The following KDM2B variants were observed in gnomAD, a reference collection of about 807,000 sequenced individuals.
KDM2B encodes the protein lysine-specific demethylase 2B.
KDM2B carries 26 observed loss-of-function variants against 150.0 expected under a neutral mutation model. That is an observed-to-expected ratio of 0.17 (90% confidence interval 0.13 to 0.24). The LOEUF (loss-of-function observed/expected upper bound fraction) is 0.24. KDM2B is among the 10% of genes least tolerant of loss of function. The pLI is 1.00. For missense variants in KDM2B, 1,265 were observed against 1,816.9 expected (o/e 0.70, Z 5.52); for synonymous variants, 734 against 729.5 (o/e 1.01, Z -0.10).
intron 4 of KDM2B, among the ~76,000 whole-genome samples, chr12:121,571,894 G>A (rs1186112759): frequency 2.6e-5 from 4 of 151,924 alleles, no homozygotes; most frequent in East Asian, 1.9e-4. Flanking sequence ...CTTGTGATTC[G>A]CCCGCGTCGG....
rs921210077 is a variant in KDM2B, at chr12:121,521,246, C to T, written c.932-146G>A. The T allele has an allele frequency of 4.5e-5, 27 of 604,734 alleles. No homozygotes were observed. Among genetic ancestry groups the T allele is most frequent in the Non-Finnish European group, 7.2e-5 (24 of 334,404 alleles). The allele number at this position is 604,734 out of a possible 1,614,324, so 37.5% of individuals were successfully genotyped here. A position where few individuals can be genotyped will look rare whatever the true frequency, so the allele number is the denominator to read the frequency against. On this transcript the variant is annotated intron_variant, in intron 8 of 22. Transcript: ENST00000377071. This position sits in a 1 kb window ranked among gnomAD's most constrained non-coding sequence, Gnocchi z 4.9. ...CAGGGCCTGGGGCAGCGGCGCCCAG[C>T]AATGCCTGCTGCACAACGCCCAGGC... is the stretch of plus-strand genomic sequence containing the variant.
At chr12:121,530,942 A>T (rs28728162) in intron 8 of KDM2B, among the ~76,000 whole-genome samples, 1 of 151,758 alleles carries the variant, frequency 6.6e-6, no homozygotes, top group Non-Finnish European at 1.5e-5. Context: ...CCACCCCACC[A>T]CCATTGTAGA....
intron 8 of KDM2B, among the ~76,000 whole-genome samples, chr12:121,531,605 C>T (rs1426955959): frequency 6.6e-6 from 1 of 152,196 alleles, no homozygotes; most frequent in Non-Finnish European, 1.5e-5. Context: ...ATTTCAACAC[C>T]ACTCGGCTAT....
chr12:121,550,589 G>A (rs915167823), intron 4 of KDM2B, among the ~76,000 whole-genome samples: 23 of 152,234 alleles, frequency 1.5e-4, no homozygotes, highest in Admixed American at 1.0e-3. Context: ...CACTTCCTGG[G>A]TTCAAGCAAT....
At chr12:121,474,114 G>T (rs376378449) in intron 12 of KDM2B, among the ~76,000 whole-genome samples, 1 of 152,180 alleles carries the variant, frequency 6.6e-6, no homozygotes, top group African/African-American at 2.4e-5. Flanking sequence ...TGGGTACGGG[G>T]TTTCCTGTTG....
chr12:121,534,198 A>C (rs1311553767), intron 7 of KDM2B, among the ~76,000 whole-genome samples: 1 of 151,964 alleles, frequency 6.6e-6, no homozygotes, highest in Non-Finnish European at 1.5e-5. Context: ...AAATACAAAA[A>C]ATTAGCAGGG....
At chr12:121,544,867 C>A (rs1189827104) in intron 6 of KDM2B, among the ~76,000 whole-genome samples, 2 of 150,602 alleles carry the variant, frequency 1.3e-5, no homozygotes, top group African/African-American at 4.9e-5. Flanking sequence ...GAGCCGAGAT[C>A]GTGCCATTGC....
the KDM2B span, chr12:121,420,540 T>TA: frequency 6.2e-7 from 1 of 1,606,788 alleles, no homozygotes; most frequent in Non-Finnish European, 8.5e-7. Context: ...GGTCTGGACT[T>TA]ATGGGACCAG....
At chr12:121,567,981 A>G (rs964691364) in intron 4 of KDM2B, among the ~76,000 whole-genome samples, 2 of 151,974 alleles carry the variant, frequency 1.3e-5, no homozygotes, top group African/African-American at 4.8e-5. Flanking sequence ...CGCCCACCTC[A>G]GCCTCCCAAA....
At chr12:121,505,303 A>G (rs1884971143) in intron 11 of KDM2B, among the ~76,000 whole-genome samples, 2 of 149,316 alleles carry the variant, frequency 1.3e-5, no homozygotes, top group South Asian at 4.2e-4. Context: ...AAAAAAAAAA[A>G]TTGTGACTGT....
At chr12:121,509,438 C>T (rs1390239755) in intron 11 of KDM2B, 129 bp downstream of exon 11, 106 of 1,470,120 alleles carry the variant, frequency 7.2e-5, no homozygotes, top group Non-Finnish European at 8.3e-5. Flanking sequence ...GAAGCCCCCT[C>T]GCAGCGCCCA....
chr12:121,417,191 GCT>G, the KDM2B span, among the ~76,000 whole-genome samples: 1 of 152,206 alleles, frequency 6.6e-6, no homozygotes, highest in Non-Finnish European at 1.5e-5. This position sits in a 1 kb window ranked among gnomAD's most constrained non-coding sequence, Gnocchi z 5.0. Flanking sequence ...TCTGCTTTCT[GCT>G]CTGTGTGGTT....
chr12:121,545,994 A>G (rs1466495069), intron 6 of KDM2B, among the ~76,000 whole-genome samples: 1 of 151,896 alleles, frequency 6.6e-6, no homozygotes, highest in Non-Finnish European at 1.5e-5. Flanking sequence ...AGCTCAGAAC[A>G]CCTTCCCCGA....
chr12:121,481,758 G>GTTTT (rs111363850), intron 12 of KDM2B, among the ~76,000 whole-genome samples: 3,057 of 123,086 alleles, frequency 0.025, 94 homozygotes, highest in African/African-American at 0.099. Context: ...TTATCTTAGG[G>GTTTT]TTTTTTTTGT....
chr12:121,463,403 T>A (rs1438152507), intron 12 of KDM2B, among the ~76,000 whole-genome samples: 2 of 151,958 alleles, frequency 1.3e-5, no homozygotes, highest in Non-Finnish European at 2.9e-5. Context: ...CAAACCACCA[T>A]GCCACATGTA....
chr12:121,564,745 A>T lies in KDM2B; in HGVS notation c.397+9802T>A, dbSNP rs79800593. On this transcript the variant is annotated intron_variant, in intron 4 of 22. Transcript: ENST00000377071. ...TCCAATCAAAATTACAGCCACCTTT[A>T]AAGAAATATGGACAAGGTGATTTTA... Among the ~76,000 whole-genome samples, 307 of 152,316 alleles carry T rather than the reference A, an allele frequency of 2.0e-3. 2 individuals are homozygous for T. The highest frequency in any genetic ancestry group is 6.6e-3 in the African/African-American group (276 of 41,572).
At chr12:121,419,977 T>C in the KDM2B span, 5 of 337,276 alleles carry the variant, frequency 1.5e-5, no homozygotes, top group Non-Finnish European at 2.9e-5. Context: ...TTATGGGACC[T>C]TCCTGAGAGA....
At chr12:121,481,095 T>A (rs1464192004) in intron 12 of KDM2B, among the ~76,000 whole-genome samples, 1 of 151,922 alleles carries the variant, frequency 6.6e-6, no homozygotes, top group Admixed American at 6.6e-5. Flanking sequence ...CCAGCTAATT[T>A]TTTTTTTGTA....
chr12:121,440,705 G>C, intron 21 of KDM2B, 111 bp downstream of exon 21: 1 of 1,065,758 alleles, frequency 9.4e-7, no homozygotes, highest in South Asian at 1.5e-5. Context: ...TGGCAGCAGA[G>C]ACTCATCCCT....
Sources: gnomAD v4.1 joint callset for allele counts (sites outside exome capture counted in the v4.1 genomes callset) on GRCh38, gnomAD v4.1.1 for gene constraint, Gnocchi (gnomAD v3.1) non-coding constraint, MANE v1.5 for transcripts, NCBI Gene and HGNC (gene_info 2026-07-23, HGNC 2026-07-21) for gene names.